EYS: variants seen among roughly 807,000 people sequenced by gnomAD.
The protein encoded by EYS is EGF-like photoreceptor maintenance factor.
A neutral mutation model predicts 282.1 loss-of-function variants in EYS; 250 were observed. That is an observed-to-expected ratio of 0.89 (90% CI 0.80 to 0.98). The LOEUF (loss-of-function observed/expected upper bound fraction) is 0.98, where lower values mean the gene tolerates loss of function less well. EYS is among the 50% of genes least tolerant of loss of function. The probability of loss-of-function intolerance (pLI) is 0.00; values close to 1 mark genes in which losing one functional copy is unlikely to be tolerated. For synonymous variants in EYS, 1,355 were observed against 1,282.9 expected (o/e 1.06, Z -1.20); for missense variants, 4,016 against 3,709.0 (o/e 1.08, Z -2.15).
At chr6:64,579,318 T>C (rs1765987584) in intron 26 of EYS, among the ~76,000 whole-genome samples, 1 of 152,070 alleles carries the variant, frequency 6.6e-6, no homozygotes, top group Non-Finnish European at 1.5e-5. Flanking sequence ...TCAAACAGTA[T>C]ATTGGAAGGA....
chr6:65,434,401 A>G (rs1767991224), intron 5 of EYS, among the ~76,000 whole-genome samples: 1 of 151,608 alleles, frequency 6.6e-6, no homozygotes. Flanking sequence ...GCTCACTGCA[A>G]GCTCTGCCTC....
At chr6:64,332,810 A>T (rs1770696930) in intron 29 of EYS, among the ~76,000 whole-genome samples, 1 of 152,236 alleles carries the variant, frequency 6.6e-6, no homozygotes, top group Non-Finnish European at 1.5e-5. Flanking sequence ...AATGATAGAT[A>T]AGTAAATGTG....
chr6:64,307,916 T>A (rs1416481512), intron 29 of EYS, among the ~76,000 whole-genome samples: 2 of 152,040 alleles, frequency 1.3e-5, no homozygotes, highest in Non-Finnish European at 2.9e-5. Flanking sequence ...TCATCAAAAG[T>A]TACTCATGCC....
chr6:64,485,470 C>A (rs1429141683), intron 26 of EYS, among the ~76,000 whole-genome samples: 1 of 151,440 alleles, frequency 6.6e-6, no homozygotes, highest in African/African-American at 2.4e-5. Flanking sequence ...TGTTTTTGCT[C>A]AATAGGCAAC....
intron 24 of EYS, among the ~76,000 whole-genome samples, chr6:64,604,935 G>T (rs904440584): frequency 2.0e-5 from 3 of 151,968 alleles, no homozygotes; most frequent in African/African-American, 7.2e-5. Context: ...TAGAGGCAAG[G>T]TCTCAAAAGC....
At chr6:64,181,605 AG>A (rs1764789469) in intron 31 of EYS, among the ~76,000 whole-genome samples, 3 of 152,118 alleles carry the variant, frequency 2.0e-5, no homozygotes, top group Non-Finnish European at 4.4e-5. Context: ...GAATTTTCAC[AG>A]GGCCTTAGGA....
At chr6:65,223,353 T>G (rs1399326669) in intron 12 of EYS, among the ~76,000 whole-genome samples, 1 of 152,028 alleles carries the variant, frequency 6.6e-6, no homozygotes, top group Non-Finnish European at 1.5e-5. Context: ...GGCAACAGAA[T>G]GAGACTCCAT....
At chr6:65,398,582 T>C (rs920498512) in intron 7 of EYS, among the ~76,000 whole-genome samples, 18 of 152,018 alleles carry the variant, frequency 1.2e-4, no homozygotes, top group Middle Eastern at 3.2e-3. Context: ...GACTAAGTTC[T>C]CAAAAGGAAA....
intron 22 of EYS, among the ~76,000 whole-genome samples, chr6:64,641,670 A>G (rs572621020): frequency 1.3e-5 from 2 of 152,280 alleles, no homozygotes; most frequent in East Asian, 3.9e-4. Flanking sequence ...GAGGTCTCCA[A>G]CACCCAGGCT....
At chr6:65,136,610 G>A (rs1479498772) in intron 12 of EYS, among the ~76,000 whole-genome samples, 1 of 152,024 alleles carries the variant, frequency 6.6e-6, no homozygotes, top group African/African-American at 2.4e-5. Flanking sequence ...AAATAATGAA[G>A]ATTAAATATC....
At chr6:64,977,310 A>G (rs1034144572) in intron 14 of EYS, among the ~76,000 whole-genome samples, 1 of 151,948 alleles carries the variant, frequency 6.6e-6, no homozygotes, top group African/African-American at 2.4e-5. Context: ...ATAAGTGATC[A>G]GTAATTTTTT....
chr6:64,842,966 C>T (rs1240976923), intron 19 of EYS, among the ~76,000 whole-genome samples: 1 of 152,090 alleles, frequency 6.6e-6, no homozygotes, highest in Non-Finnish European at 1.5e-5. Context: ...ATGTTAGTCC[C>T]CAAGACAATG....
At chr6:64,026,996 C>T (rs1398657263) in intron 33 of EYS, among the ~76,000 whole-genome samples, 2 of 152,158 alleles carry the variant, frequency 1.3e-5, no homozygotes, top group Non-Finnish European at 2.9e-5. Flanking sequence ...GTCACGCTAC[C>T]GTTAGATCAA....
At chr6:65,490,374 T>G (rs888569360) in intron 5 of EYS, 3 of 399,178 alleles carry the variant, frequency 7.5e-6, no homozygotes, top group Non-Finnish European at 9.2e-6. Flanking sequence ...TGTGAACTGT[T>G]GTTCAGACTC....
intron 22 of EYS, among the ~76,000 whole-genome samples, chr6:64,655,075 T>C (rs528051884): frequency 1.3e-5 from 2 of 152,230 alleles, no homozygotes; most frequent in African/African-American, 4.8e-5. Flanking sequence ...AATCGATCCA[T>C]CAAAGAACTT....
At chr6:64,631,019 A>C (rs1446606114) in intron 22 of EYS, among the ~76,000 whole-genome samples, 1 of 152,208 alleles carries the variant, frequency 6.6e-6, no homozygotes. Context: ...GTTTATACAA[A>C]AGGATTTACT....
intron 22 of EYS, among the ~76,000 whole-genome samples, chr6:64,640,203 G>A (rs2149869782): frequency 6.8e-6 from 1 of 146,194 alleles, no homozygotes; most frequent in South Asian, 2.4e-4. Context: ...ATTTGACCCA[G>A]CCATCCCATT....
chr6:64,295,026 A>C (rs1482945817), intron 30 of EYS, among the ~76,000 whole-genome samples: 1 of 151,984 alleles, frequency 6.6e-6, no homozygotes, highest in Non-Finnish European at 1.5e-5. Flanking sequence ...AGAATAACTA[A>C]TATTCAGCTA....
intron 12 of EYS, among the ~76,000 whole-genome samples, chr6:65,204,895 CTGGAAGAATGTA>C (rs1562021121): frequency 2.7e-4 from 27 of 101,422 alleles, no homozygotes; most frequent in Admixed American, 4.1e-4. Flanking sequence ...TTTATATATT[CTGGAAGAATGTA>C]TTTATATATT....
Sources: allele counts gnomAD v4.1 joint callset (sites outside exome capture counted in the v4.1 genomes callset), GRCh38; gene constraint gnomAD v4.1.1; transcripts MANE v1.5; gene names NCBI Gene and HGNC (gene_info 2026-07-23, HGNC 2026-07-21).